Variants in TANC1 observed in about 807,000 individuals in gnomAD.
TANC1 encodes tetratricopeptide repeat, ankyrin repeat and coiled-coil containing 1.
Under a neutral mutation model 149.7 loss-of-function variants are expected in TANC1, and 77 were observed. The observed-to-expected ratio is 0.51, with a 90% CI of 0.43 to 0.62. The LOEUF (loss-of-function observed/expected upper bound fraction) is 0.62, where lower values mean the gene tolerates loss of function less well. Among genes scored for constraint, TANC1 ranks in the 20% least tolerant of loss-of-function variants. TANC1 has a pLI of 0.00. For synonymous variants in TANC1, 854 were observed against 925.0 expected (o/e 0.92, Z 1.39); for missense variants, 1,985 against 2,321.8 (o/e 0.85, Z 2.98).
chr2:159,076,336 T>G (rs2043675318), intron 3 of TANC1, among the ~76,000 whole-genome samples: 1 of 152,236 alleles, frequency 6.6e-6, no homozygotes, highest in Non-Finnish European at 1.5e-5. Flanking sequence ...TTCATGTTTG[T>G]GCTGAGGCTA....
intron 2 of TANC1, among the ~76,000 whole-genome samples, chr2:159,058,290 C>A (rs2041995951): frequency 6.6e-6 from 1 of 152,178 alleles, no homozygotes; most frequent in African/African-American, 2.4e-5. Context: ...ACAGATCTTA[C>A]TGTGTTAAAT....
At chr2:159,078,219 A>C (rs1179784665) in intron 3 of TANC1, among the ~76,000 whole-genome samples, 1 of 152,220 alleles carries the variant, frequency 6.6e-6, no homozygotes, top group African/African-American at 2.4e-5. Context: ...CATGCTTGGC[A>C]TATAGTATAT....
chr2:159,217,390 A>G, intron 19 of TANC1, 107 bp from the exon 20 acceptor site: 1 of 1,422,302 alleles, frequency 7.0e-7, no homozygotes, highest in Admixed American at 1.9e-5. Context: ...AAGGGGGAGG[A>G]CATATAGACC....
chr2:159,095,746 A>AT (rs1354351909), intron 3 of TANC1, among the ~76,000 whole-genome samples: 2 of 151,702 alleles, frequency 1.3e-5, no homozygotes, highest in East Asian at 3.9e-4. Context: ...AAAAAAAAAA[A>AT]AAAAAAAAAA....
chr2:159,072,069 C>T (rs1189152644), intron 3 of TANC1, among the ~76,000 whole-genome samples: 1 of 151,282 alleles, frequency 6.6e-6, no homozygotes, highest in Non-Finnish European at 1.5e-5. Flanking sequence ...GCAACCTCAG[C>T]CTCCTAGGTT....
At chr2:159,097,388 T>A (rs2046249534) in intron 3 of TANC1, among the ~76,000 whole-genome samples, 1 of 152,174 alleles carries the variant, frequency 6.6e-6, no homozygotes, top group African/African-American at 2.4e-5. Context: ...GGATCCTTTG[T>A]TAGGGATTGA....
In TANC1 at chr2:159,192,921, A is replaced by G. The variant is rs140295838; in HGVS notation, c.2743-1336A>G. Among the ~76,000 whole-genome samples, 1,197 of 152,348 alleles carry G rather than the reference A, an allele frequency of 7.9e-3. 2 individuals are homozygous for G. The highest frequency in any genetic ancestry group is 0.012 in the Non-Finnish European group (826 of 68,020). Reference sequence around the variant, plus strand: ...CGCCTCAGCCTCCCAAAGTGGTGGGATTACAGGCATGAGCCACCTTGCCTG... The same window carrying G: ...CGCCTCAGCCTCCCAAAGTGGTGGGGTTACAGGCATGAGCCACCTTGCCTG... On this transcript the variant is annotated intron_variant, in intron 16 of 26. Transcript: ENST00000263635.
At chr2:159,224,164 C>T (rs571830042) in intron 22 of TANC1, 68 bp from the exon 23 acceptor site, 5 of 1,587,364 alleles carry the variant, frequency 3.1e-6, no homozygotes, top group African/African-American at 1.3e-5. Flanking sequence ...GACTGCCCAC[C>T]CCTAAATCCG....
chr2:159,089,025 A>G (rs1036791987), intron 3 of TANC1, among the ~76,000 whole-genome samples: 1 of 152,144 alleles, frequency 6.6e-6, no homozygotes, highest in Non-Finnish European at 1.5e-5. Flanking sequence ...AAAAGATGCA[A>G]TCAGCCAGGT....
Position 159,029,868 on chromosome 2 carries a change from A to G in TANC1, c.-16+28679A>G, listed in dbSNP as rs113306930. On this transcript the variant is annotated intron_variant, in intron 2 of 26. Transcript: ENST00000263635. ...GTGCCACCATGCCTGTATTTTTAAC[A>G]TAGCGATATGGGGTCTTGCCATCTT... Among the ~76,000 whole-genome samples the G allele has an allele frequency of 5.4e-3, 815 of 152,138 alleles. 4 individuals carry two copies. The highest frequency in any genetic ancestry group is 0.01 in the Middle Eastern group (3 of 292).
chr2:159,229,613 C>T lies in TANC1; in HGVS notation c.4187C>T (p.Ala1396Val), dbSNP rs544741049. The T allele has an allele frequency of 6.2e-7, 1 of 1,613,724 alleles. No homozygotes were observed. Among genetic ancestry groups the T allele is most frequent in the Non-Finnish European group, 8.5e-7 (1 of 1,179,878 alleles). Residue 1396 changes from alanine (A) to valine (V), a missense_variant, in exon 27 of 27, where the codon GCT (alanine) becomes GTT (valine). By Grantham distance (64) the Ala-to-Val change is moderately conservative (BLOSUM62 0). Coordinates refer to ENST00000263635, the MANE Select transcript of TANC1 (RefSeq NM_033394.3). ...GCAGCTCTGGCTGACCTGCAAGAGG[C>T]TGTGAAACTCTGTCCCACCAATCAG... ...FVAALADLQE[A>V]VKLCPTNQEV... is the part of the protein sequence containing the mutation.
At chr2:159,178,381 A>G (rs933799419) in intron 13 of TANC1, among the ~76,000 whole-genome samples, 175 bp from the exon 14 acceptor site, 2 of 152,254 alleles carry the variant, frequency 1.3e-5, no homozygotes, top group African/African-American at 4.8e-5. Context: ...TTTCTTTCAC[A>G]TAAGCTTTTT....
intron 1 of TANC1, among the ~76,000 whole-genome samples, chr2:159,000,769 A>G (rs2036554310): frequency 6.6e-6 from 1 of 152,044 alleles, no homozygotes; most frequent in African/African-American, 2.4e-5. Context: ...AAGCAAGAGT[A>G]TGGAAATACG....
chr2:159,184,428 G>A (rs541747156), intron 14 of TANC1, among the ~76,000 whole-genome samples: 11 of 152,276 alleles, frequency 7.2e-5, no homozygotes, highest in African/African-American at 2.6e-4. Context: ...TGGGAGCACT[G>A]GAAACTTTAG....
At chr2:159,016,731 C>T (rs1398061014) in intron 2 of TANC1, among the ~76,000 whole-genome samples, 10 of 151,868 alleles carry the variant, frequency 6.6e-5, no homozygotes, top group African/African-American at 1.7e-4. Context: ...CCCCCCACCA[C>T]GCCTGGCTAA....
chr2:159,135,203 C>T (rs992849581), intron 4 of TANC1, among the ~76,000 whole-genome samples: 1 of 152,192 alleles, frequency 6.6e-6, no homozygotes, highest in African/African-American at 2.4e-5. Context: ...TCATGTAGAT[C>T]CTTTGTGACT....
chr2:159,076,778 A>G (rs980132089), intron 3 of TANC1, among the ~76,000 whole-genome samples: 21 of 152,344 alleles, frequency 1.4e-4, no homozygotes, highest in African/African-American at 4.3e-4. Context: ...CCAAAGTCGT[A>G]TAGCTAGTTA....
chr2:159,061,496 C>A (rs557888769), intron 2 of TANC1, among the ~76,000 whole-genome samples: 1 of 152,174 alleles, frequency 6.6e-6, no homozygotes, highest in African/African-American at 2.4e-5. Context: ...GCTAAGGGCC[C>A]CCACCCCAAT....
At chr2:159,063,653 C>T (rs187998864) in intron 2 of TANC1, among the ~76,000 whole-genome samples, 3 of 152,228 alleles carry the variant, frequency 2.0e-5, no homozygotes, top group East Asian at 1.9e-4. Context: ...CTATTTACCT[C>T]GAGTTGCTAT....
Sources: allele counts gnomAD v4.1 joint callset (sites outside exome capture counted in the v4.1 genomes callset), GRCh38; gene constraint gnomAD v4.1.1; transcripts MANE v1.5; gene names NCBI Gene and HGNC (gene_info 2026-07-23, HGNC 2026-07-21).